GNG12: variants seen among roughly 807,000 people sequenced by gnomAD.
The protein encoded by GNG12 is guanine nucleotide-binding protein G(I)/G(S)/G(O) subunit gamma-12.
For missense variants in GNG12, 69 were observed against 83.8 expected (o/e 0.82, Z 0.69); for synonymous variants, 28 against 29.7 (o/e 0.94, Z 0.19).
At chr1:67,813,978 G>A (rs1048141210) in intron 1 of GNG12, among the ~76,000 whole-genome samples, 2 of 152,038 alleles carry the variant, frequency 1.3e-5, no homozygotes, top group African/African-American at 2.4e-5. Flanking sequence ...ATGCCTCACA[G>A]TAACCCCAGG....
chr1:67,740,174 A>G (rs1281688193), intron 2 of GNG12, among the ~76,000 whole-genome samples: 1 of 152,260 alleles, frequency 6.6e-6, no homozygotes. Context: ...CACAGAGTAT[A>G]TAAGATTATA....
At position 67,819,654 on chromosome 1, in the gene GNG12, TTTATAATGGC is replaced by T. The variant is rs375717335; in HGVS notation, c.-77+13680_-77+13689del. On this transcript the variant is annotated intron_variant, in intron 1 of 3. Transcript: ENST00000370982. ...TTGCATTTTCATTAAATTCAGATTCTTTATAATGGCTTATGTGATCTGTTCTCTGTCTACT... is the reference window on the plus strand; with the variant it reads ...TTGCATTTTCATTAAATTCAGATTCTTTATGTGATCTGTTCTCTGTCTACT... Among the ~76,000 whole-genome samples the T allele has an allele frequency of 6.0e-3, 914 of 152,340 alleles. 6 individuals are homozygous for T. Among genetic ancestry groups the T allele is most frequent in the African/African-American group, 0.02 (838 of 41,574 alleles).
At chr1:67,820,761 T>C (rs763720601) in intron 1 of GNG12, among the ~76,000 whole-genome samples, 1 of 152,220 alleles carries the variant, frequency 6.6e-6, no homozygotes, top group Non-Finnish European at 1.5e-5. Flanking sequence ...TCAGCTACTA[T>C]AAGGAGTGAG....
intron 2 of GNG12, among the ~76,000 whole-genome samples, chr1:67,740,994 T>TA (rs1022639192): frequency 1.3e-4 from 19 of 151,438 alleles, no homozygotes; most frequent in South Asian, 4.2e-4. Context: ...CACTAGTTCT[T>TA]AAAAAAAAAC....
At chr1:67,748,113 C>T (rs1419579965) in intron 2 of GNG12, among the ~76,000 whole-genome samples, 1 of 151,966 alleles carries the variant, frequency 6.6e-6, no homozygotes, top group African/African-American at 2.4e-5. Context: ...CATGAGGGGG[C>T]AGGGAGAGAA....
chr1:67,778,504 T>C (rs1235050645), intron 1 of GNG12, among the ~76,000 whole-genome samples: 5 of 152,232 alleles, frequency 3.3e-5, no homozygotes, highest in Non-Finnish European at 7.3e-5. Context: ...CATTTCATGA[T>C]GTCATTTTAA....
intron 1 of GNG12, among the ~76,000 whole-genome samples, chr1:67,780,235 A>G (rs1483497358): frequency 6.6e-6 from 1 of 152,136 alleles, no homozygotes; most frequent in African/African-American, 2.4e-5. Context: ...TCCATTTAGT[A>G]GGACAGCAAA....
In GNG12 at chr1:67,704,816, C is replaced by T. The variant is rs934557631; in HGVS notation, c.*635G>A. On this transcript the variant is annotated 3_prime_UTR_variant, in exon 4 of 4. Transcript: ENST00000370982. ...ATTACTTGATTACAATGAATACAATCTTTAGGATACTCTTTACTTTTTGTA... is the reference window on the plus strand; with the variant it reads ...ATTACTTGATTACAATGAATACAATTTTTAGGATACTCTTTACTTTTTGTA... The T allele has an allele frequency of 3.9e-5, 6 of 152,498 alleles. No homozygotes were observed. Among genetic ancestry groups the T allele is most frequent in the Non-Finnish European group, 5.9e-5 (4 of 68,038 alleles). The allele number at this position is 152,498 out of a possible 1,614,324, so 9.4% of individuals were successfully genotyped here. A position where few individuals can be genotyped will look rare whatever the true frequency, so the allele number is the denominator to read the frequency against.
intron 1 of GNG12, among the ~76,000 whole-genome samples, chr1:67,832,036 G>A (rs1165889927): frequency 6.6e-6 from 1 of 152,194 alleles, no homozygotes; most frequent in Non-Finnish European, 1.5e-5. Flanking sequence ...CCCTGCCTCT[G>A]ACGACATCCA....
intron 2 of GNG12, among the ~76,000 whole-genome samples, chr1:67,739,506 G>C (rs1646471070): frequency 6.6e-6 from 1 of 152,236 alleles, no homozygotes; most frequent in Non-Finnish European, 1.5e-5. Flanking sequence ...CTGATGAAAA[G>C]TATTGGGACA....
At chr1:67,735,505 T>A (rs1297458454) in intron 2 of GNG12, among the ~76,000 whole-genome samples, 1 of 152,224 alleles carries the variant, frequency 6.6e-6, no homozygotes. Context: ...GGAGCCTGCG[T>A]CCTCATCTGC....
At position 67,762,925 on chromosome 1, in the gene GNG12, C is replaced by T. The variant is rs113326524; in HGVS notation, c.-27+14533G>A. Among the ~76,000 whole-genome samples the T allele has an allele frequency of 5.6e-3, 858 of 152,090 alleles. 8 individuals carry two copies. Among genetic ancestry groups the T allele is most frequent in the African/African-American group, 0.019 (770 of 41,474 alleles). On this transcript the variant is annotated intron_variant, in intron 2 of 3. Coordinates refer to ENST00000370982, the MANE Select transcript of GNG12 (RefSeq NM_018841.6). ...TGCTGCACAACTTTATATTTTGCTC[C>T]GTTCTAGCAAAAGCATTTCCCTATG... is the stretch of plus-strand genomic sequence containing the variant.
At chr1:67,746,486 A>G (rs1646507897) in intron 2 of GNG12, among the ~76,000 whole-genome samples, 1 of 152,110 alleles carries the variant, frequency 6.6e-6, no homozygotes, top group African/African-American at 2.4e-5. Context: ...TCATGAAGGC[A>G]CGGAAGTGGC....
At chr1:67,737,360 T>G (rs1468964041) in intron 2 of GNG12, among the ~76,000 whole-genome samples, 1 of 152,220 alleles carries the variant, frequency 6.6e-6, no homozygotes, top group East Asian at 1.9e-4. Context: ...ATGATTTCTG[T>G]TCTAAGGCAA....
chr1:67,746,902 T>C (rs1646511012), intron 2 of GNG12, among the ~76,000 whole-genome samples: 1 of 152,082 alleles, frequency 6.6e-6, no homozygotes, highest in African/African-American at 2.4e-5. Flanking sequence ...CAGCTAAACA[T>C]TCCTAAAGCA....
intron 2 of GNG12, among the ~76,000 whole-genome samples, chr1:67,736,805 T>C (rs1332302343): frequency 1.3e-5 from 2 of 152,192 alleles, no homozygotes; most frequent in African/African-American, 4.8e-5. Flanking sequence ...GTGGTTTCCT[T>C]GGGTCATTTC....
At chr1:67,795,274 T>G (rs1296552914) in intron 1 of GNG12, among the ~76,000 whole-genome samples, 1 of 152,236 alleles carries the variant, frequency 6.6e-6, no homozygotes, top group African/African-American at 2.4e-5. Flanking sequence ...TGACATTTGA[T>G]GTACCCAGAC....
intron 2 of GNG12, among the ~76,000 whole-genome samples, chr1:67,755,581 A>T (rs1026287780): frequency 6.6e-6 from 1 of 152,142 alleles, no homozygotes; most frequent in African/African-American, 2.4e-5. Context: ...TCAGGGGCTT[A>T]ATTTCTTCAT....
chr1:67,736,311 G>A (rs1252975143), intron 2 of GNG12, among the ~76,000 whole-genome samples: 1 of 151,948 alleles, frequency 6.6e-6, no homozygotes, highest in Non-Finnish European at 1.5e-5. Flanking sequence ...CCCAACCCCC[G>A]AACCAAGCAG....
Sources: gnomAD v4.1 joint callset for allele counts (sites outside exome capture counted in the v4.1 genomes callset) on GRCh38, gnomAD v4.1.1 for gene constraint, MANE v1.5 for transcripts, NCBI Gene and HGNC (gene_info 2026-07-23, HGNC 2026-07-21) for gene names.